GRID2: variants seen among roughly 807,000 people sequenced by gnomAD.
GRID2 encodes glutamate receptor ionotropic, delta-2.
Under a neutral mutation model 114.8 loss-of-function variants are expected in GRID2, and 33 were observed. The ratio of observed to expected loss-of-function variants is 0.29; its 90% CI spans 0.22 to 0.38. The LOEUF is 0.38. Among genes scored for constraint, GRID2 ranks in the 10% least tolerant of loss-of-function variants. The pLI is 1.00. For synonymous variants in GRID2, 505 were observed against 449.9 expected, an observed-to-expected ratio of 1.12 and a Z score of -1.55; for missense variants, 1,184 against 1,257.7, an observed-to-expected ratio of 0.94 and a Z score of 0.89.
intron 2 of GRID2, among the ~76,000 whole-genome samples, chr4:92,717,463 T>C (rs1368845246): frequency 6.6e-6 from 1 of 152,204 alleles, no homozygotes; most frequent in East Asian, 1.9e-4. Context: ...AAGAAAATGA[T>C]GTTTGACGAG....
chr4:93,020,493 A>G (rs1723176651), intron 2 of GRID2, among the ~76,000 whole-genome samples: 1 of 152,192 alleles, frequency 6.6e-6, no homozygotes, highest in Non-Finnish European at 1.5e-5. Context: ...CATTATTGAA[A>G]AGAACACCAA....
At chr4:93,747,786 T>G (rs1306544392) in intron 14 of GRID2, among the ~76,000 whole-genome samples, 1 of 152,100 alleles carries the variant, frequency 6.6e-6, no homozygotes, top group East Asian at 1.9e-4. Flanking sequence ...CAATGTTGAT[T>G]TGTTTTCCCC....
chr4:93,058,951 G>T (rs1161644655), intron 2 of GRID2, among the ~76,000 whole-genome samples: 1 of 151,918 alleles, frequency 6.6e-6, no homozygotes, highest in Admixed American at 6.6e-5. Flanking sequence ...AGCAAAACAG[G>T]TGTGTATTCA....
intron 3 of GRID2, among the ~76,000 whole-genome samples, chr4:93,087,412 TGTTA>T (rs1320517684): frequency 6.6e-6 from 1 of 152,120 alleles, no homozygotes; most frequent in Non-Finnish European, 1.5e-5. Context: ...GAAAATTCCT[TGTTA>T]GTTTGTTTCC....
chr4:93,478,570 T>G (rs1269469737), intron 11 of GRID2, among the ~76,000 whole-genome samples: 1 of 151,330 alleles, frequency 6.6e-6, no homozygotes, highest in Non-Finnish European at 1.5e-5. Context: ...TTAAATATGA[T>G]AAAATATTAA....
At chr4:93,169,044 T>C (rs1056785068) in intron 4 of GRID2, among the ~76,000 whole-genome samples, 1 of 151,952 alleles carries the variant, frequency 6.6e-6, no homozygotes, top group Non-Finnish European at 1.5e-5. Context: ...TGGCCTCAAG[T>C]ACTATTTTTT....
intron 2 of GRID2, among the ~76,000 whole-genome samples, chr4:92,683,071 G>A (rs569517752): frequency 2.6e-4 from 40 of 152,176 alleles, no homozygotes; most frequent in Admixed American, 1.4e-3. Context: ...AGGCCAAGGC[G>A]GGCGGATCAC....
intron 11 of GRID2, among the ~76,000 whole-genome samples, chr4:93,463,903 G>A (rs995567437): frequency 1.7e-4 from 26 of 152,116 alleles, no homozygotes; most frequent in African/African-American, 6.0e-4. Flanking sequence ...GCAGGAGAAT[G>A]GCGTGAACCT....
intron 1 of GRID2, among the ~76,000 whole-genome samples, chr4:92,553,736 C>G (rs978295180): frequency 6.6e-6 from 1 of 152,102 alleles, no homozygotes; most frequent in Non-Finnish European, 1.5e-5. Context: ...ACTGCAACTT[C>G]TGCATCTGGG....
At chr4:92,495,751 A>C (rs1257424815) in intron 1 of GRID2, among the ~76,000 whole-genome samples, 1 of 151,930 alleles carries the variant, frequency 6.6e-6, no homozygotes, top group Non-Finnish European at 1.5e-5. Context: ...AGTTAGTTCT[A>C]AATTAAAATT....
intron 8 of GRID2, among the ~76,000 whole-genome samples, chr4:93,242,437 T>C (rs1336107379): frequency 6.6e-6 from 1 of 152,012 alleles, no homozygotes; most frequent in African/African-American, 2.4e-5. Context: ...AATGTAGGCT[T>C]GAAGCTTCAT....
intron 2 of GRID2, among the ~76,000 whole-genome samples, chr4:92,704,852 G>A (rs985776084): frequency 8.6e-5 from 12 of 139,416 alleles, no homozygotes; most frequent in Middle Eastern, 3.5e-3. Context: ...CAACTGCATT[G>A]GTAACGTGAT....
In GRID2 at chr4:93,269,873, A is replaced by C. The variant is rs192628646; in HGVS notation, c.1245+31383A>C. Among the ~76,000 whole-genome samples the C allele has an allele frequency of 1.2e-3, 179 of 152,286 alleles. 3 individuals carry two copies. The highest frequency in any genetic ancestry group is 4.3e-3 in the African/African-American group (177 of 41,552). ...TTGGTGCACTACCAAATAAGGAGTA[A>C]AATTTGTGGTGACCATTTGAAATAC... On this transcript the variant is annotated intron_variant, in intron 8 of 15. Coordinates refer to ENST00000282020, the MANE Select transcript of GRID2 (RefSeq NM_001510.4).
chr4:93,623,019 T>C (rs755329138), intron 13 of GRID2, among the ~76,000 whole-genome samples: 5 of 152,182 alleles, frequency 3.3e-5, no homozygotes, highest in Non-Finnish European at 7.3e-5. Context: ...TGCTCTAATA[T>C]TGACATTTTT....
At chr4:93,439,869 G>A (rs1721462194) in intron 10 of GRID2, among the ~76,000 whole-genome samples, 1 of 152,038 alleles carries the variant, frequency 6.6e-6, no homozygotes, top group Non-Finnish European at 1.5e-5. Context: ...TTCCCATAAA[G>A]TCGAGCCTAT....
At chr4:93,042,625 C>A (rs149066954) in intron 2 of GRID2, among the ~76,000 whole-genome samples, 4,237 of 135,862 alleles carry the variant, frequency 0.031, 96 homozygotes, top group South Asian at 0.083. Flanking sequence ...CTCTCTCTCT[C>A]TATATATATA....
At chr4:93,611,912 G>T (rs1283503359) in intron 13 of GRID2, among the ~76,000 whole-genome samples, 8 of 150,390 alleles carry the variant, frequency 5.3e-5, no homozygotes, top group Admixed American at 5.3e-4. Flanking sequence ...GTTGACAGTG[G>T]GGTGTTAAAG....
intron 8 of GRID2, among the ~76,000 whole-genome samples, chr4:93,265,698 T>C (rs954605214): frequency 4.3e-4 from 65 of 152,202 alleles, no homozygotes; most frequent in African/African-American, 1.4e-3. Context: ...GGTAATTATT[T>C]ACTCAATTTT....
At chr4:93,384,529 T>A (rs1994252) in intron 8 of GRID2, among the ~76,000 whole-genome samples, 27,618 of 152,134 alleles carry the variant, frequency 0.18, 4,666 homozygotes, top group African/African-American at 0.45. Context: ...TTAAAAATTT[T>A]TTCCTGTTTT....
Sources: allele counts gnomAD v4.1 joint callset (sites outside exome capture counted in the v4.1 genomes callset), GRCh38; gene constraint gnomAD v4.1.1; transcripts MANE v1.5; gene names NCBI Gene and HGNC (gene_info 2026-07-23, HGNC 2026-07-21).